FAM149A: variants seen among roughly 807,000 people sequenced by gnomAD.
FAM149A encodes family with sequence similarity 149 member A, also known as protein FAM149A.
FAM149A carries 71 observed loss-of-function variants against 78.2 expected under a neutral mutation model. The ratio of observed to expected loss-of-function variants is 0.91; its 90% CI spans 0.75 to 1.11. The LOEUF is 1.11. Among genes scored for constraint, FAM149A ranks in the 50% least tolerant of loss-of-function variants. The pLI is 0.00. For synonymous variants in FAM149A, 446 were observed against 410.5 expected (o/e 1.09, Z -1.04); for missense variants, 1,036 against 971.0 (o/e 1.07, Z -0.89).
chr4:186,130,293 C>CTCTCTCTCTATA lies in FAM149A; in HGVS notation c.567-18879_567-18878insCTCTCTCTATAT. The CTCTCTCTCTATA allele has an allele frequency of 3.5e-3, 164 of 46,566 alleles. 2 individuals are homozygous for CTCTCTCTCTATA. The highest frequency in any genetic ancestry group is 0.015 in the Middle Eastern group (1 of 68). 2.9% of individuals were successfully genotyped at this position (46,566 alleles called of 1,614,324 possible). On this transcript the variant is annotated intron_variant, in intron 1 of 13. Transcript: ENST00000389354. The stretch of plus-strand genomic sequence containing the variant: ...TCTCTCTCTCTCTCTCTCTCTCTCT[C>CTCTCTCTCTATA]TATATATATATATATATATATAATC...
At position 186,165,786 on chromosome 4, in the gene FAM149A, G is replaced by A. The variant is rs1267710513; in HGVS notation, c.2010+322G>A. 2.0e-5 allele frequency among the ~76,000 whole-genome samples: 3 copies of A among 152,174 alleles called. No homozygotes were observed. In the East Asian group the frequency reaches 5.8e-4, roughly 29 times the overall value. ...TTGGTCAGGAGACAGGCAGGTCCGC[G>A]TGGATCCTGCCACAGAAACTCTCTT... On this transcript the variant is annotated intron_variant, in intron 11 of 13. Coordinates refer to ENST00000389354, the MANE Select transcript of FAM149A (RefSeq NM_001367768.3).
chr4:186,124,398 G>C (rs2099317378), intron 1 of FAM149A, among the ~76,000 whole-genome samples: 1 of 151,278 alleles, frequency 6.6e-6, no homozygotes. Context: ...ATCTCCTAAT[G>C]CTATCCCTCC....
chr4:186,116,519 C>T (rs1357248572), intron 1 of FAM149A: 9 of 985,184 alleles, frequency 9.1e-6, no homozygotes, highest in Non-Finnish European at 1.1e-5. Context: ...TGCTTATACC[C>T]GAGAAAACAA....
rs1442007693 is a variant in FAM149A, at chr4:186,104,777, C to T, written c.-300C>T. Among the ~76,000 whole-genome samples the T allele has an allele frequency of 8.0e-5, 11 of 137,396 alleles. No homozygotes were observed. Among genetic ancestry groups the T allele is most frequent in the Non-Finnish European group, 1.7e-4 (11 of 63,850 alleles). The allele number at this position is 137,396 out of a possible 152,430, so 90.1% of individuals were successfully genotyped here. On this transcript the variant is annotated 5_prime_UTR_variant, in exon 1 of 14. Transcript: ENST00000389354. ...GGCGGCGGGCGGCGGGCGTCTGGGG[C>T]GGGCGGCGGCCGCGCTTCCCGGGGC... is the stretch of plus-strand genomic sequence containing the variant.
chr4:186,158,341 C>T, intron 8 of FAM149A: 2 of 1,209,398 alleles, frequency 1.7e-6, no homozygotes, highest in Non-Finnish European at 2.1e-6. Context: ...AGATTCTCCT[C>T]TGTGCTGTGT....
Position 186,171,980 on chromosome 4 carries a change from C to T in FAM149A, c.2285C>T (p.Thr762Ile). ...ACTTTCAAGAGGAGATTCCAAGTGA[C>T]ATCTTGAAACCACCTCACCAGAACC... Residue 762 changes from threonine (T) to isoleucine (I), a missense_variant, in exon 14 of 14, where the codon ACA (threonine) becomes ATA (isoleucine). Physicochemically the swap from Thr to Ile is moderately conservative, Grantham distance 89. This residue lies in a region of FAM149A where 716 missense variants were observed against 711.8 expected (regional missense o/e 1.01). Transcript: ENST00000389354. 1.2e-6 allele frequency: 2 copies of T among 1,611,328 alleles called. No homozygotes were observed. The highest frequency in any genetic ancestry group is 1.7e-6 in the Non-Finnish European group (2 of 1,178,616).
intron 1 of FAM149A, among the ~76,000 whole-genome samples, chr4:186,136,964 T>TCTCTCTCTCTCTCTCTCTCTCTCTCTCTC (rs2099323207): frequency 1.0e-5 from 1 of 97,042 alleles, no homozygotes. Context: ...CTCTCTCTCT[T>TCTCTCTCTCTCTCTCTCTCTCTCTCTCTC]TCTCTCTCTC....
intron 1 of FAM149A, chr4:186,116,595 A>G: frequency 1.2e-6 from 1 of 850,680 alleles, no homozygotes; most frequent in South Asian, 6.0e-5. Context: ...TTATATTTAA[A>G]TTTTTTTTTT....
At chr4:186,134,248 G>C (rs1351505372) in intron 1 of FAM149A, among the ~76,000 whole-genome samples, 1 of 152,180 alleles carries the variant, frequency 6.6e-6, no homozygotes, top group Non-Finnish European at 1.5e-5. Context: ...TGCTGTTGAA[G>C]ATAGACACAT....
At chr4:186,126,077 C>T (rs1485105731) in intron 1 of FAM149A, 62 of 985,178 alleles carry the variant, frequency 6.3e-5, no homozygotes, top group Middle Eastern at 5.2e-4. Context: ...GGGATCTGGA[C>T]GCTTGTTTCC....
chr4:186,130,668 T>A (rs75470212), intron 1 of FAM149A, among the ~76,000 whole-genome samples: 7,024 of 152,100 alleles, frequency 0.046, 258 homozygotes, highest in Non-Finnish European at 0.069. Flanking sequence ...CAATTATGTA[T>A]AATTTTTTGG....
intron 1 of FAM149A, among the ~76,000 whole-genome samples, chr4:186,147,664 T>C (rs1013230312): frequency 2.0e-5 from 3 of 152,246 alleles, no homozygotes; most frequent in African/African-American, 4.8e-5. Flanking sequence ...CAGTATGTTT[T>C]TCTTAGTGTT....
At chr4:186,168,887 C>T (rs1735293290) in intron 13 of FAM149A, among the ~76,000 whole-genome samples, 1 of 152,176 alleles carries the variant, frequency 6.6e-6, no homozygotes, top group Non-Finnish European at 1.5e-5. Context: ...GATCCCCTGT[C>T]AGATGGCTGG....
In FAM149A at chr4:186,105,598, C is replaced by A. The variant is rs928531880; in HGVS notation, c.522C>A (p.Ile174=). The change falls in exon 1 of 14, where the codon ATC becomes ATA. Residue 174 remains isoleucine (I), a synonymous_variant. Transcript: ENST00000389354. Reference sequence around the variant, plus strand: ...CCCTGTTCCTTACGCTGCCTGACATCGGCGAGGAGGGGGCCTCGGACGGCG... The same window carrying A: ...CCCTGTTCCTTACGCTGCCTGACATAGGCGAGGAGGGGGCCTCGGACGGCG... 6.7e-6 allele frequency: 7 copies of A among 1,052,376 alleles called. No homozygotes were observed. In the East Asian group the frequency reaches 3.3e-4, roughly 50 times the overall value. The allele number at this position is 1,052,376 out of a possible 1,614,324, so 65.2% of individuals were successfully genotyped here. A position where few individuals can be genotyped will look rare whatever the true frequency, so the allele number is the denominator to read the frequency against.
intron 5 of FAM149A, 104 bp from the exon 6 acceptor site, chr4:186,154,364 G>T: frequency 3.2e-6 from 3 of 927,408 alleles, no homozygotes; most frequent in South Asian, 4.6e-5. Context: ...GGGAGGGGGG[G>T]ATTCTGTACT....
intron 1 of FAM149A, chr4:186,126,752 C>T (rs2099318498): frequency 2.4e-6 from 1 of 413,624 alleles, no homozygotes. Flanking sequence ...CTTCAGCTCG[C>T]AGATGGCAGA....
chr4:186,130,293 C>CTCTCTCTCTCTCTCTA, intron 1 of FAM149A: 1,003 of 46,434 alleles, frequency 0.022, 16 homozygotes, highest in Non-Finnish European at 0.033. Context: ...CTCTCTCTCT[C>CTCTCTCTCTCTCTCTA]TATATATATA....
At chr4:186,117,996 C>G (rs1046336383) in intron 1 of FAM149A, 1 of 985,350 alleles carries the variant, frequency 1.0e-6, no homozygotes. Flanking sequence ...GTTTGTCATG[C>G]AGATGAGGAG....
rs1222376256 is a variant in FAM149A, at chr4:186,173,398, G to A, written c.*1411G>A. Among the ~76,000 whole-genome samples the A allele has an allele frequency of 1.8e-5, 2 of 110,676 alleles. 1 individual carries two copies. The highest frequency in any genetic ancestry group is 4.5e-4 in the East Asian group (2 of 4,466). 72.6% of individuals were successfully genotyped at this position (110,676 alleles called of 152,430 possible). On this transcript the variant is annotated 3_prime_UTR_variant, in exon 14 of 14. Transcript: ENST00000389354. The stretch of plus-strand genomic sequence containing the variant: ...AACGGAGTCTGGCTCTGTGGCCCCG[G>A]CTGGAGTGCAGTGGCACGATCTCGG...
Sources: allele counts gnomAD v4.1 joint callset (sites outside exome capture counted in the v4.1 genomes callset), GRCh38; gene constraint gnomAD v4.1.1; regional missense constraint gnomAD v4.1.1; transcripts MANE v1.5; gene names NCBI Gene and HGNC (gene_info 2026-07-23, HGNC 2026-07-21).